RETREG1: variants seen among roughly 807,000 people sequenced by gnomAD.
RETREG1 encodes family with sequence similarity 134 member B.
Under a neutral mutation model 54.8 loss-of-function variants are expected in RETREG1, and 44 were observed. That is an observed-to-expected ratio of 0.80 (90% CI 0.63 to 1.03). The LOEUF is 1.03. Ranked by LOEUF, RETREG1 falls within the 50% of genes least tolerant of loss-of-function variation. The probability of loss-of-function intolerance (pLI) is 0.00; values close to 1 mark genes in which losing one functional copy is unlikely to be tolerated. For synonymous variants in RETREG1, 217 were observed against 238.5 expected, an observed-to-expected ratio of 0.91 and a Z score of 0.83; for missense variants, 554 against 605.1, an observed-to-expected ratio of 0.92 and a Z score of 0.89.
chr5:16,522,278 C>T (rs1740559275), intron 3 of RETREG1, among the ~76,000 whole-genome samples: 2 of 151,868 alleles, frequency 1.3e-5, no homozygotes, highest in South Asian at 4.2e-4. Context: ...AGGGCGGATT[C>T]CTCCAGTAAT....
chr5:16,521,438 C>T (rs1255883459), intron 3 of RETREG1, among the ~76,000 whole-genome samples: 1 of 152,208 alleles, frequency 6.6e-6, no homozygotes, highest in Non-Finnish European at 1.5e-5. Flanking sequence ...TAAGGTGATA[C>T]GGCTTGTGCA....
chr5:16,552,900 A>G (rs1741584130), intron 3 of RETREG1, among the ~76,000 whole-genome samples: 1 of 152,224 alleles, frequency 6.6e-6, no homozygotes, highest in African/African-American at 2.4e-5. Context: ...TCTCTGAAAC[A>G]GATGTCCCAT....
At chr5:16,583,418 T>C (rs1348275794) in intron 1 of RETREG1, among the ~76,000 whole-genome samples, 2 of 151,922 alleles carry the variant, frequency 1.3e-5, no homozygotes, top group African/African-American at 4.8e-5. Flanking sequence ...GCCTGAACCC[T>C]GGAGCTGGAC....
chr5:16,517,618 C>T (rs1168990303), intron 3 of RETREG1, among the ~76,000 whole-genome samples: 1 of 152,124 alleles, frequency 6.6e-6, no homozygotes, highest in Admixed American at 6.5e-5. Context: ...CTTCTAACCA[C>T]CTCAGACTCC....
In RETREG1 at chr5:16,585,512, C is replaced by G. The variant is rs73051627; in HGVS notation, c.321-13410G>C. Among the ~76,000 whole-genome samples the G allele has an allele frequency of 1.8e-3, 268 of 152,194 alleles. No homozygotes were observed. Among genetic ancestry groups the G allele is most frequent in the African/African-American group, 6.1e-3 (255 of 41,520 alleles). ...CCTAGTGTATAAATTGAATACCTGC[C>G]CACTCCTATTCCACCTTCTACCTGA... On this transcript the variant is annotated intron_variant, in intron 1 of 8. Coordinates refer to ENST00000306320, the MANE Select transcript of RETREG1 (RefSeq NM_001034850.3). This position sits in a 1 kb window ranked among gnomAD's most constrained non-coding sequence, Gnocchi z 4.5.
chr5:16,473,902 T>G lies in RETREG1; in HGVS notation c.*839A>C, dbSNP rs986143320. 8.5e-5 allele frequency: 13 copies of G among 152,164 alleles called. No individual in the cohort carries two copies. Among genetic ancestry groups the G allele is most frequent in the African/African-American group, 3.1e-4 (13 of 41,438 alleles). 9.4% of individuals were successfully genotyped at this position (152,164 alleles called of 1,614,324 possible). On this transcript the variant is annotated 3_prime_UTR_variant, in exon 9 of 9. Coordinates refer to ENST00000306320, the MANE Select transcript of RETREG1 (RefSeq NM_001034850.3). Reference sequence around the variant, plus strand: ...TTTTTTCATGACATAATATAAAAGATAAGGGTCTAACTTAAGTCTGAGCAG... The same window carrying G: ...TTTTTTCATGACATAATATAAAAGAGAAGGGTCTAACTTAAGTCTGAGCAG...
At chr5:16,590,887 GCACA>G (rs975183688) in intron 1 of RETREG1, among the ~76,000 whole-genome samples, 2 of 139,148 alleles carry the variant, frequency 1.4e-5, no homozygotes, top group African/African-American at 5.2e-5. Context: ...ACACACACAC[GCACA>G]CACACATGCA....
At chr5:16,531,587 C>A (rs565185626) in intron 3 of RETREG1, among the ~76,000 whole-genome samples, 2 of 152,106 alleles carry the variant, frequency 1.3e-5, no homozygotes, top group Non-Finnish European at 2.9e-5. Context: ...GCACAGGAGA[C>A]AGCCTTGGAG....
chr5:16,562,315 C>CA (rs1273971498), intron 3 of RETREG1, among the ~76,000 whole-genome samples: 2 of 151,582 alleles, frequency 1.3e-5, no homozygotes, highest in African/African-American at 4.8e-5. Flanking sequence ...AACTCTGTCT[C>CA]AAAAAAAAGA....
At chr5:16,500,434 C>G (rs542508961) in intron 3 of RETREG1, among the ~76,000 whole-genome samples, 69 of 152,140 alleles carry the variant, frequency 4.5e-4, no homozygotes, top group South Asian at 2.3e-3. Flanking sequence ...GCTAAAGAAC[C>G]TGAAGGGAAG....
At chr5:16,508,447 AATTAAAGGACTGC>A in intron 3 of RETREG1, 1 of 896,650 alleles carries the variant, frequency 1.1e-6, no homozygotes, top group South Asian at 1.5e-5. Context: ...TGTTTCCTGG[AATTAAAGGACTGC>A]ATTCTTCATA....
At chr5:16,572,201 A>G in intron 1 of RETREG1, 99 bp from the exon 2 acceptor site, 1 of 815,344 alleles carries the variant, frequency 1.2e-6, no homozygotes, top group South Asian at 1.5e-5. Context: ...AAGGTATTCA[A>G]TAATGATTTC....
At chr5:16,536,830 G>A (rs1049402042) in intron 3 of RETREG1, among the ~76,000 whole-genome samples, 3 of 152,208 alleles carry the variant, frequency 2.0e-5, no homozygotes, top group Admixed American at 6.5e-5. Flanking sequence ...CAGATTAAAA[G>A]GATGTTTTTC....
rs945281317 is a variant in RETREG1, at chr5:16,597,919, G to T, written c.320+18733C>A. Among the ~76,000 whole-genome samples, 1 of 151,834 alleles carries T rather than the reference G, an allele frequency of 6.6e-6. No homozygotes were observed. The highest frequency in any genetic ancestry group is 2.4e-5 in the African/African-American group (1 of 41,310). ...CTGTGACCGCTGGCACGACTTCCTTGCCCCAGGGGTAAGGAACTACACTGG... is the reference window on the plus strand; with the variant it reads ...CTGTGACCGCTGGCACGACTTCCTTTCCCCAGGGGTAAGGAACTACACTGG... On this transcript the variant is annotated intron_variant, in intron 1 of 8. Coordinates refer to ENST00000306320, the MANE Select transcript of RETREG1 (RefSeq NM_001034850.3). The surrounding 1 kb of genome is among the most constrained non-coding windows in gnomAD (Gnocchi z 4.3).
At position 16,594,416 on chromosome 5, in the gene RETREG1, AG is replaced by A. The variant is rs555842501; in HGVS notation, c.320+22235del. On this transcript the variant is annotated intron_variant, in intron 1 of 8. Coordinates refer to ENST00000306320, the MANE Select transcript of RETREG1 (RefSeq NM_001034850.3). This position sits in a 1 kb window ranked among gnomAD's most constrained non-coding sequence, Gnocchi z 4.4. ...TGTAGACAACTTTTATAAGAAAAAAAGTTAAACGCTTAACATAGCATTTTTC... is the reference window on the plus strand; with the variant it reads ...TGTAGACAACTTTTATAAGAAAAAAATTAAACGCTTAACATAGCATTTTTC... 8.1e-4 allele frequency among the ~76,000 whole-genome samples: 124 copies of A among 152,304 alleles called. No individual in the cohort carries two copies. Among genetic ancestry groups the A allele is most frequent in the African/African-American group, 2.9e-3 (119 of 41,560 alleles).
chr5:16,535,438 G>A (rs1741034408), intron 3 of RETREG1, among the ~76,000 whole-genome samples: 1 of 152,018 alleles, frequency 6.6e-6, no homozygotes, highest in Admixed American at 6.6e-5. Context: ...GTGGGAGCTG[G>A]AATTCCTCCA....
intron 3 of RETREG1, chr5:16,509,368 T>G (rs114564739): frequency 5.3e-5 from 8 of 152,316 alleles, no homozygotes; most frequent in Non-Finnish European, 1.2e-4. Flanking sequence ...GAATGTTGAG[T>G]TCACGTGTTC....
At chr5:16,542,866 G>T (rs6878523) in intron 3 of RETREG1, among the ~76,000 whole-genome samples, 2 of 152,126 alleles carry the variant, frequency 1.3e-5, no homozygotes, top group Non-Finnish European at 2.9e-5. Context: ...AATAAACTGC[G>T]CATAAGTTTT....
chr5:16,545,784 A>G (rs1266243910), intron 3 of RETREG1, among the ~76,000 whole-genome samples: 2 of 152,202 alleles, frequency 1.3e-5, no homozygotes, highest in Non-Finnish European at 2.9e-5. Flanking sequence ...TCCTTTGTTG[A>G]TGCTAGACCG....
Sources: gnomAD v4.1 joint callset for allele counts (sites outside exome capture counted in the v4.1 genomes callset) on GRCh38, gnomAD v4.1.1 for gene constraint, Gnocchi (gnomAD v3.1) non-coding constraint, MANE v1.5 for transcripts, NCBI Gene and HGNC (gene_info 2026-07-23, HGNC 2026-07-21) for gene names.